Variants in NLGN1 observed in about 807,000 individuals in gnomAD.
The protein encoded by NLGN1 is neuroligin 1, also known as neuroligin-1.
A neutral mutation model predicts 65.5 loss-of-function variants in NLGN1; 12 were observed. That is an observed-to-expected ratio of 0.18 (90% confidence interval 0.12 to 0.30). NLGN1 has a LOEUF of 0.30. Ranked by LOEUF, NLGN1 falls within the 10% of genes least tolerant of loss-of-function variation. The pLI, the probability that NLGN1 is intolerant of heterozygous loss-of-function variation, is 1.00. For missense variants in NLGN1, 750 were observed against 1,007.1 expected, an observed-to-expected ratio of 0.74 and a Z score of 3.46; for synonymous variants, 350 against 359.5, an observed-to-expected ratio of 0.97 and a Z score of 0.30.
chr3:173,699,076 A>G (rs6807005), intron 3 of NLGN1, among the ~76,000 whole-genome samples: 91,113 of 151,866 alleles, frequency 0.6, 28,373 homozygotes, highest in East Asian at 0.75. Flanking sequence ...GGCTGGTCTC[A>G]AATTCCCGAC....
intron 4 of NLGN1, among the ~76,000 whole-genome samples, chr3:174,110,522 G>T (rs552013972): frequency 2.6e-5 from 4 of 151,970 alleles, no homozygotes; most frequent in African/African-American, 9.6e-5. Context: ...TTTTCGTTGG[G>T]TTTAAGTACA....
chr3:173,434,288 C>T (rs1290727279), intron 1 of NLGN1, among the ~76,000 whole-genome samples: 2 of 152,098 alleles, frequency 1.3e-5, no homozygotes, highest in African/African-American at 4.8e-5. Context: ...TGTTCATATT[C>T]TTATTCCTAA....
chr3:174,062,140 T>C (rs1476804427), intron 4 of NLGN1, among the ~76,000 whole-genome samples: 2 of 152,064 alleles, frequency 1.3e-5, no homozygotes, highest in African/African-American at 2.4e-5. Flanking sequence ...TATTAGGAAT[T>C]TCAACTTAAT....
chr3:173,792,338 A>G (rs1027410597), intron 3 of NLGN1, among the ~76,000 whole-genome samples: 9 of 152,172 alleles, frequency 5.9e-5, no homozygotes, highest in Admixed American at 5.9e-4. Flanking sequence ...AATAATGCCA[A>G]AAAGTTAAGG....
intron 4 of NLGN1, among the ~76,000 whole-genome samples, chr3:174,272,473 C>T (rs1023210559): frequency 1.3e-5 from 2 of 151,450 alleles, no homozygotes; most frequent in Non-Finnish European, 3.0e-5. Context: ...TTGAATATAC[C>T]GTCAGTAATC....
intron 2 of NLGN1, among the ~76,000 whole-genome samples, chr3:173,452,088 C>T (rs1320221405): frequency 6.6e-6 from 1 of 152,218 alleles, no homozygotes; most frequent in Non-Finnish European, 1.5e-5. Context: ...TCTGGCTCTC[C>T]CCAGTGAGAT....
intron 4 of NLGN1, among the ~76,000 whole-genome samples, chr3:173,881,477 T>C (rs1733270707): frequency 7.4e-6 from 1 of 135,114 alleles, no homozygotes; most frequent in Non-Finnish European, 1.5e-5. Context: ...CAGGCTGGAG[T>C]GCAGTGGCGC....
rs66827074 is a variant in NLGN1 at position 173,584,399 on chromosome 3, A to ATTTTTTTTT, written c.-320-19855_-320-19847dup. ...TTAGGGTAAAACCAGGGTCCTCGGCATTTTTTTTTTTTTTTTTTTTTTTTT... is the reference window on the plus strand; with the variant it reads ...TTAGGGTAAAACCAGGGTCCTCGGCATTTTTTTTTTTTTTTTTTTTTTTTTTTTTTTTTT... On this transcript the variant is annotated intron_variant, in intron 2 of 6. Coordinates refer to ENST00000457714, the Ensembl canonical transcript of NLGN1. 2.9e-4 allele frequency among the ~76,000 whole-genome samples: 9 copies of ATTTTTTTTT among 30,820 alleles called. 1 individual carries two copies. In the East Asian group the frequency reaches 4.1e-3, roughly 14 times the overall value. 20.2% of individuals were successfully genotyped at this position (30,820 alleles called of 152,430 possible). A position where few individuals can be genotyped will look rare whatever the true frequency, so the allele number is the denominator to read the frequency against.
intron 2 of NLGN1, chr3:173,584,691 C>G (rs1275547579): frequency 2.0e-5 from 3 of 150,016 alleles, no homozygotes; most frequent in Non-Finnish European, 4.4e-5. Context: ...ATGGAGGTGG[C>G]TTTGGGTCCC....
At chr3:173,656,367 C>G (rs1426276859) in intron 3 of NLGN1, among the ~76,000 whole-genome samples, 1 of 152,124 alleles carries the variant, frequency 6.6e-6, no homozygotes, top group African/African-American at 2.4e-5. Flanking sequence ...TTCTGAAAAG[C>G]ATCCATTGGG....
At chr3:173,878,480 G>A (rs1198915680) in intron 4 of NLGN1, among the ~76,000 whole-genome samples, 3 of 151,662 alleles carry the variant, frequency 2.0e-5, no homozygotes, top group Non-Finnish European at 2.9e-5. Context: ...ATAAGACTTC[G>A]TATAATCAAG....
chr3:174,146,650 C>T (rs1215231718), intron 4 of NLGN1, among the ~76,000 whole-genome samples: 1 of 151,482 alleles, frequency 6.6e-6, no homozygotes, highest in African/African-American at 2.4e-5. Context: ...TCACTGCAAC[C>T]TCCGCCTCCC....
chr3:173,754,766 T>C (rs1222486677), intron 3 of NLGN1, among the ~76,000 whole-genome samples: 1 of 152,174 alleles, frequency 6.6e-6, no homozygotes, highest in Non-Finnish European at 1.5e-5. Flanking sequence ...TAAAGATCTG[T>C]ACCTACACTA....
intron 3 of NLGN1, among the ~76,000 whole-genome samples, chr3:173,692,746 C>CT (rs1765656873): frequency 6.6e-6 from 1 of 152,072 alleles, no homozygotes; most frequent in Non-Finnish European, 1.5e-5. Context: ...TACTTAAAAG[C>CT]TAACTTTTTT....
chr3:173,723,369 T>G (rs1174440899), intron 3 of NLGN1, among the ~76,000 whole-genome samples: 1 of 152,196 alleles, frequency 6.6e-6, no homozygotes, highest in Non-Finnish European at 1.5e-5. Context: ...ATCACATAGA[T>G]TTTTATTTTG....
chr3:173,767,226 C>T (rs751576474), intron 3 of NLGN1, among the ~76,000 whole-genome samples: 1 of 151,970 alleles, frequency 6.6e-6, no homozygotes, highest in Non-Finnish European at 1.5e-5. Context: ...GTACTGAAAA[C>T]AATGCTTTAA....
exon 7 of NLGN1, chr3:174,282,922 T>C (rs920246390): frequency 6.6e-6 from 1 of 152,010 alleles, no homozygotes; most frequent in African/African-American, 2.4e-5. Flanking sequence ...TTTCAGTTAC[T>C]CTTTTTCAAG....
intron 4 of NLGN1, among the ~76,000 whole-genome samples, chr3:174,134,235 G>T (rs1720784149): frequency 6.6e-6 from 1 of 152,166 alleles, no homozygotes; most frequent in Non-Finnish European, 1.5e-5. Context: ...GGGAAAGCCA[G>T]TTTGCAAAAC....
intron 4 of NLGN1, among the ~76,000 whole-genome samples, chr3:174,116,898 A>G (rs1038677934): frequency 6.6e-6 from 1 of 152,178 alleles, no homozygotes; most frequent in Non-Finnish European, 1.5e-5. Context: ...TGATATATGA[A>G]AAAAGATTTC....
Sources: allele counts gnomAD v4.1 joint callset (sites outside exome capture counted in the v4.1 genomes callset), GRCh38; gene constraint gnomAD v4.1.1; transcripts MANE v1.5; gene names NCBI Gene and HGNC (gene_info 2026-07-23, HGNC 2026-07-21).